Variants in NELFA observed in about 807,000 individuals in gnomAD.
NELFA encodes negative elongation factor A.
In NELFA, 35 loss-of-function variants were observed where a neutral mutation model predicts 51.8. That is an observed-to-expected ratio of 0.68 (90% CI 0.52 to 0.90). The LOEUF (loss-of-function observed/expected upper bound fraction) is 0.90. NELFA is among the 40% of genes least tolerant of loss of function. The pLI is 0.00. For synonymous variants in NELFA, 417 were observed against 338.4 expected (o/e 1.23, Z -2.55); for missense variants, 658 against 746.4 (o/e 0.88, Z 1.38).
In NELFA at chr4:1,986,336, G is replaced by C. The variant is rs1395558353; in HGVS notation, c.701C>G (p.Pro234Arg). The change falls in exon 5 of 11, where the codon CCC becomes CGC. Residue 234 changes from proline to arginine, a missense_variant. This residue lies in a region of NELFA where 371 missense variants were observed against 448.3 expected (regional missense o/e 0.83). Transcript: ENST00000382882. ...RSPTAPSVFS[P>R]TGNRTPIPPS... ...CGGGATGGGGGTCCGGTTCCCTGTG[G>C]GGCTGAAGACGCTGGGCGCCGTGGG... 6.2e-7 allele frequency: 1 copy of C among 1,602,656 alleles called. No individual in the cohort carries two copies. Among genetic ancestry groups the C allele is most frequent in the Non-Finnish European group, 8.5e-7 (1 of 1,174,958 alleles).
chr4:1,985,664 A>G (rs1054146132), intron 7 of NELFA, 112 bp downstream of exon 7: 1 of 766,030 alleles, frequency 1.3e-6, no homozygotes, highest in Non-Finnish European at 2.1e-6. Flanking sequence ...CAGACTGCAC[A>G]CATATGTACA....
chr4:1,995,745 G>A (rs1728404554), intron 1 of NELFA, among the ~76,000 whole-genome samples: 1 of 152,112 alleles, frequency 6.6e-6, no homozygotes, highest in South Asian at 2.1e-4. Context: ...GAGCTCACAT[G>A]GTAACTATAA....
intron 1 of NELFA, among the ~76,000 whole-genome samples, chr4:2,001,097 T>G (rs1272812875): frequency 6.6e-6 from 1 of 152,212 alleles, no homozygotes; most frequent in Non-Finnish European, 1.5e-5. Flanking sequence ...TCAACATCCC[T>G]GCATGTTAAA....
rs1251496915 is a variant in NELFA at position 1,983,290 on chromosome 4, A to C, written c.*29T>G. Reference sequence around the variant, plus strand: ...AGCCATCGTCCCGTGGACCCCCACAAGTGACGGCCAGCTGTGAGGCAGGTG... The same window carrying C: ...AGCCATCGTCCCGTGGACCCCCACACGTGACGGCCAGCTGTGAGGCAGGTG... On this transcript the variant is annotated 3_prime_UTR_variant, in exon 11 of 11. Transcript: ENST00000382882. The C allele has an allele frequency of 6.3e-7, 1 of 1,595,556 alleles. No homozygotes were observed. Among genetic ancestry groups the C allele is most frequent in the Non-Finnish European group, 8.6e-7 (1 of 1,166,974 alleles).
At chr4:1,993,282 T>C (rs1288712143) in intron 1 of NELFA, among the ~76,000 whole-genome samples, 1 of 152,226 alleles carries the variant, frequency 6.6e-6, no homozygotes, top group African/African-American at 2.4e-5. Flanking sequence ...GGGCTTCTTG[T>C]AGGAAAACGC....
chr4:2,007,853 T>G lies in NELFA; in HGVS notation c.210+897A>C, dbSNP rs1275785076. The G allele has an allele frequency of 9.8e-5, 39 of 398,912 alleles. No homozygotes were observed. The Admixed American group carries it at 1.2e-3, about 12-fold the overall frequency. 24.7% of individuals were successfully genotyped at this position (398,912 alleles called of 1,614,324 possible). A position where few individuals can be genotyped will look rare whatever the true frequency, so the allele number is the denominator to read the frequency against. ...CCTATAATAGCTAATAATACATCAG[T>G]AGCCAGGAACGTTTAAACAACCATG... is the stretch of plus-strand genomic sequence containing the variant. On this transcript the variant is annotated intron_variant, in intron 1 of 10. Transcript: ENST00000382882.
At chr4:2,006,445 G>A (rs1336644069) in intron 1 of NELFA, among the ~76,000 whole-genome samples, 1 of 152,152 alleles carries the variant, frequency 6.6e-6, no homozygotes, top group African/African-American at 2.4e-5. Context: ...CACCATCTAT[G>A]TTAAAACTAG....
chr4:1,992,501 T>A (rs1197838349), intron 1 of NELFA: 2 of 428,776 alleles, frequency 4.7e-6, no homozygotes, highest in Admixed American at 5.2e-5. Flanking sequence ...TGCCTGTGCC[T>A]CTGCCATGCG....
In NELFA at chr4:1,986,095, C is replaced by T. The variant is rs369149559; in HGVS notation, c.835+19G>A. 169 of 1,549,088 alleles carry T rather than the reference C, an allele frequency of 1.1e-4. No homozygotes were observed. The highest frequency in any genetic ancestry group is 1.4e-4 in the Non-Finnish European group (161 of 1,146,328). Reference sequence around the variant, plus strand: ...GCAGGGACCCCCATTGCCGCCGACACGCAGGCCCCAACCCCCACCGAGAGT... The same window carrying T: ...GCAGGGACCCCCATTGCCGCCGACATGCAGGCCCCAACCCCCACCGAGAGT... On this transcript the variant is annotated intron_variant, in intron 6 of 10. Coordinates refer to ENST00000382882, the MANE Select transcript of NELFA (RefSeq NM_005663.5).
chr4:1,985,607 C>T (rs757722142), intron 7 of NELFA, among the ~76,000 whole-genome samples, 169 bp downstream of exon 7: 1 of 152,212 alleles, frequency 6.6e-6, no homozygotes, highest in Non-Finnish European at 1.5e-5. Flanking sequence ...TGTCAGGGCA[C>T]GGCCCACACT....
rs756656144 is a variant in NELFA, at chr4:1,983,658, G to A, written c.1340C>T (p.Thr447Met). ...QMFAAQEMFKTANKVTRPEKA... is the reference protein window; with the variant it reads ...QMFAAQEMFKMANKVTRPEKA... Reference sequence around the variant, plus strand: ...CTCGGGCCGCGTGACTTTGTTGGCCGTCTTGAACATCTCCTGGGCAGCGAA... The same window carrying A: ...CTCGGGCCGCGTGACTTTGTTGGCCATCTTGAACATCTCCTGGGCAGCGAA... Residue 447 changes from threonine to methionine, a missense_variant, in exon 10 of 11, where the codon ACG (threonine) becomes ATG (methionine). Around this residue, in one of 3 missense-constraint regions of NELFA, gnomAD observed 87 missense variants for 130.2 expected, o/e 0.67. Transcript: ENST00000382882. 5.1e-5 allele frequency: 83 copies of A among 1,613,968 alleles called. No homozygotes were observed. Among genetic ancestry groups the A allele is most frequent in the Non-Finnish European group, 6.7e-5 (79 of 1,180,012 alleles).
intron 1 of NELFA, among the ~76,000 whole-genome samples, chr4:1,999,691 G>A (rs1283613514): frequency 6.6e-6 from 1 of 152,032 alleles, no homozygotes; most frequent in Non-Finnish European, 1.5e-5. Context: ...CAATAATAGG[G>A]GGAGACTTTA....
At position 1,986,391 on chromosome 4, in the gene NELFA, CTT is replaced by C; in HGVS notation, c.644_645del (p.Lys215ArgfsTer46). ...CTGAAGGGCGCCTGCTTCGGGATGC[CTT>C]TGAGTGGGGCTGGAGGACGGCAACA... ...LRKMDTTTPL[K>X]GIPKQAPFRS... On this transcript the variant is annotated frameshift_variant, in exon 5 of 11. Transcript: ENST00000382882. LOFTEE classifies it high-confidence loss of function. 6.2e-7 allele frequency: 1 copy of C among 1,612,388 alleles called. No individual in the cohort carries two copies. The highest frequency in any genetic ancestry group is 8.5e-7 in the Non-Finnish European group (1 of 1,179,486).
At chr4:1,993,587 A>AAAAAAG (rs1560872803) in intron 1 of NELFA, among the ~76,000 whole-genome samples, 1 of 151,718 alleles carries the variant, frequency 6.6e-6, no homozygotes, top group East Asian at 1.9e-4. Context: ...TCAAAAAAAA[A>AAAAAAG]AAAGAAAGAA....
Position 1,989,387 on chromosome 4 carries a change from G to T in NELFA, c.544+321C>A, listed in dbSNP as rs1241063710. Among the ~76,000 whole-genome samples, 2 of 152,172 alleles carry T rather than the reference G, an allele frequency of 1.3e-5. No homozygotes were observed. Among genetic ancestry groups the T allele is most frequent in the Non-Finnish European group, 2.9e-5 (2 of 68,030 alleles). ...CTCTCTCCCAGGCTGGAGTGTAGTG[G>T]TGTGATCACAGCTCACTGCAGCCTC... On this transcript the variant is annotated intron_variant, in intron 3 of 10. Coordinates refer to ENST00000382882, the MANE Select transcript of NELFA (RefSeq NM_005663.5). This position sits in a 1 kb window ranked among gnomAD's most constrained non-coding sequence, Gnocchi z 4.8.
chr4:1,991,903 C>T (rs1341682447), intron 1 of NELFA, 188 bp from the exon 2 acceptor site: 4 of 590,104 alleles, frequency 6.8e-6, no homozygotes, highest in Non-Finnish European at 8.7e-6. Flanking sequence ...CTTCCCTGAG[C>T]AGCACAGCCT....
At chr4:2,005,268 T>G (rs970444888) in intron 1 of NELFA, among the ~76,000 whole-genome samples, 1 of 151,106 alleles carries the variant, frequency 6.6e-6, no homozygotes, top group African/African-American at 2.4e-5. Flanking sequence ...TGATCGGAGG[T>G]AAGACAATGA....
rs778468949 is a variant in NELFA, at chr4:1,983,421, C to G, written c.1485G>C (p.Gln495His). 6.2e-7 allele frequency: 1 copy of G among 1,614,238 alleles called. No individual in the cohort carries two copies. The highest frequency in any genetic ancestry group is 1.7e-5 in the Admixed American group (1 of 60,036). Residue 495 changes from glutamine (Q) to histidine (H), a missense_variant, in exon 11 of 11, where the codon CAG becomes CAC. Around this residue, in one of 3 missense-constraint regions of NELFA, gnomAD observed 87 missense variants for 130.2 expected, o/e 0.67. Coordinates refer to ENST00000382882, the MANE Select transcript of NELFA (RefSeq NM_005663.5). ...HTEDLPKADG[Q>H]GSTTMLVDTV... ...TGTCCACCAGCATGGTTGTGCTACC[C>G]TGGCCGTCCGCCTTGGGCAGGTCCT... is the stretch of plus-strand genomic sequence containing the variant.
At chr4:1,994,779 C>T (rs368731473) in intron 1 of NELFA, among the ~76,000 whole-genome samples, 5 of 149,012 alleles carry the variant, frequency 3.4e-5, no homozygotes, top group Admixed American at 6.7e-5. Context: ...GGCGTGAACC[C>T]GGGAGGTGGA....
Sources: allele counts gnomAD v4.1 joint callset (sites outside exome capture counted in the v4.1 genomes callset), GRCh38; gene constraint gnomAD v4.1.1; regional missense constraint gnomAD v4.1.1; non-coding constraint Gnocchi (gnomAD v3.1); transcripts MANE v1.5; gene names NCBI Gene and HGNC (gene_info 2026-07-23, HGNC 2026-07-21).